Variants in MFHAS1 observed in about 807,000 individuals in gnomAD.
MFHAS1 encodes the protein multifunctional ROCO family signaling regulator 1.
MFHAS1 carries 50 observed loss-of-function variants against 70.4 expected under a neutral mutation model. The ratio of observed to expected loss-of-function variants is 0.71; its 90% CI spans 0.57 to 0.90. MFHAS1 has a LOEUF of 0.90. MFHAS1 is among the 40% of genes least tolerant of loss of function. The pLI is 0.00. For synonymous variants in MFHAS1, 952 were observed against 620.0 expected (o/e 1.54, Z -7.96); for missense variants, 1,795 against 1,347.6 (o/e 1.33, Z -5.20).
chr8:8,829,243 G>A (rs145947462), intron 1 of MFHAS1, among the ~76,000 whole-genome samples: 11 of 152,314 alleles, frequency 7.2e-5, no homozygotes, highest in South Asian at 6.2e-4. Flanking sequence ...TTCCAACTCA[G>A]TATGTGTACC....
chr8:8,875,722 C>G (rs61438893), intron 1 of MFHAS1, among the ~76,000 whole-genome samples: 5,127 of 152,202 alleles, frequency 0.034, 251 homozygotes, highest in African/African-American at 0.11. Context: ...TCCTGAGTAG[C>G]TGGGATTACA....
chr8:8,867,780 A>G (rs1808919290), intron 1 of MFHAS1, among the ~76,000 whole-genome samples: 1 of 151,956 alleles, frequency 6.6e-6, no homozygotes, highest in Admixed American at 6.6e-5. Flanking sequence ...GATTGTCTCG[A>G]TCTCCTGACC....
Position 8,891,295 on chromosome 8 carries a change from A to G in MFHAS1, c.1764T>C (p.Ser588=). The G allele has an allele frequency of 2.5e-6, 4 of 1,611,678 alleles. No individual in the cohort carries two copies. Among genetic ancestry groups the G allele is most frequent in the Non-Finnish European group, 3.4e-6 (4 of 1,180,016 alleles). The change falls in exon 1 of 3, where the codon TCT becomes TCC. Residue 588 remains serine, a synonymous_variant. Transcript: ENST00000276282. This position sits in a 1 kb window ranked among gnomAD's most constrained non-coding sequence, Gnocchi z 5.4. ...EALARDFELR[S]ASPHAAYYGV... ...CATAGTAGGCTGCGTGGGGGCTGGC[A>G]GAGCGCAGCTCGAAGTCCCGGGCCA...
At chr8:8,790,505 T>C (rs954914328) in intron 2 of MFHAS1, 3 of 371,962 alleles carry the variant, frequency 8.1e-6, no homozygotes, top group African/African-American at 6.6e-5. Flanking sequence ...GAAACACAAT[T>C]CCTCCTAGCT....
chr8:8,846,916 A>G (rs1808058390), intron 1 of MFHAS1, among the ~76,000 whole-genome samples: 1 of 152,176 alleles, frequency 6.6e-6, no homozygotes, highest in South Asian at 2.1e-4. Context: ...CCTTTGATAC[A>G]CTGCATTCAA....
Position 8,799,731 on chromosome 8 carries a change from G to A in MFHAS1, c.2999-2240C>T, listed in dbSNP as rs182306660. ...AGATCAGGCCACTGCACTCCAACCCGGGCGACAGAGTGAGACTCCGTCTCA... is the reference window on the plus strand; with the variant it reads ...AGATCAGGCCACTGCACTCCAACCCAGGCGACAGAGTGAGACTCCGTCTCA... On this transcript the variant is annotated intron_variant, in intron 1 of 2. Coordinates refer to ENST00000276282, the MANE Select transcript of MFHAS1 (RefSeq NM_004225.3). Among the ~76,000 whole-genome samples the A allele has an allele frequency of 2.0e-4, 31 of 152,304 alleles. 1 individual carries two copies. In the East Asian group the frequency reaches 3.5e-3, roughly 17 times the overall value.
Position 8,892,891 on chromosome 8 carries a change from G to C in MFHAS1, c.168C>G (p.Leu56=). The C allele has an allele frequency of 6.3e-7, 1 of 1,578,104 alleles. No homozygotes were observed. The change falls in exon 1 of 3, where the codon CTC becomes CTG. Residue 56 remains leucine (L), a synonymous_variant. Coordinates refer to ENST00000276282, the MANE Select transcript of MFHAS1 (RefSeq NM_004225.3). This position sits in a 1 kb window ranked among gnomAD's most constrained non-coding sequence, Gnocchi z 4.7. ...TGTCCCCGAGGTTGGCCGGCAGCAC[G>C]AGCTGGGGGGAGGCGGGGGACTCGA... is the stretch of plus-strand genomic sequence containing the variant. The part of the protein sequence containing the change: ...DALESPASPQ[L]VLPANLGDIE...
At chr8:8,834,919 G>C (rs1807542665) in intron 1 of MFHAS1, among the ~76,000 whole-genome samples, 1 of 152,148 alleles carries the variant, frequency 6.6e-6, no homozygotes, top group Non-Finnish European at 1.5e-5. Context: ...CACCATGTAA[G>C]CTACTTTTAA....
In MFHAS1 at chr8:8,890,611, G is replaced by A; in HGVS notation, c.2448C>T (p.Asp816=). 6.2e-7 allele frequency: 1 copy of A among 1,613,972 alleles called. No individual in the cohort carries two copies. Among genetic ancestry groups the A allele is most frequent in the Non-Finnish European group, 8.5e-7 (1 of 1,180,028 alleles). ...LLKPHVQAQQ[D]LQLLLELLEK... ...CCAGCAGCTCCAGCAACAGCTGCAA[G>A]TCCTGCTGGGCCTGGACATGAGGCT... Residue 816 remains aspartate (D), a synonymous_variant, in exon 1 of 3, where the codon GAC becomes GAT. Transcript: ENST00000276282.
In MFHAS1 at chr8:8,892,363, G is replaced by C. The variant is rs995577351; in HGVS notation, c.696C>G (p.Leu232=). The change falls in exon 1 of 3, where the codon CTC becomes CTG. Residue 232 remains leucine (L), a synonymous_variant. Transcript: ENST00000276282. The surrounding 1 kb of genome is among the most constrained non-coding windows in gnomAD (Gnocchi z 4.7). ...DISALRALKI[L]WLSGAELGTL... Reference sequence around the variant, plus strand: ...TGCCAAGCTCGGCCCCACTCAGCCAGAGGATCTTGAGGGCACGCAGGGCAC... The same window carrying C: ...TGCCAAGCTCGGCCCCACTCAGCCACAGGATCTTGAGGGCACGCAGGGCAC... 1 of 1,612,240 alleles carries C rather than the reference G, an allele frequency of 6.2e-7. No homozygotes were observed. The highest frequency in any genetic ancestry group is 2.2e-5 in the East Asian group (1 of 44,856).
chr8:8,824,348 G>C (rs1807074532), intron 1 of MFHAS1, among the ~76,000 whole-genome samples: 1 of 152,032 alleles, frequency 6.6e-6, no homozygotes, highest in African/African-American at 2.4e-5. Context: ...GGGTACCCCG[G>C]AGTCCTTACC....
At chr8:8,889,659 A>G (rs1374157817) in intron 1 of MFHAS1, among the ~76,000 whole-genome samples, 1 of 152,216 alleles carries the variant, frequency 6.6e-6, no homozygotes, top group African/African-American at 2.4e-5. Flanking sequence ...ACTCAAACTC[A>G]TCTACCCCTT....
intron 1 of MFHAS1, among the ~76,000 whole-genome samples, chr8:8,842,063 C>T (rs1170282378): frequency 6.6e-6 from 1 of 152,134 alleles, no homozygotes; most frequent in Non-Finnish European, 1.5e-5. Flanking sequence ...AACAAGGCTG[C>T]GCCTTTATAA....
chr8:8,820,878 C>T (rs1806927839), intron 1 of MFHAS1, among the ~76,000 whole-genome samples: 1 of 152,216 alleles, frequency 6.6e-6, no homozygotes, highest in Non-Finnish European at 1.5e-5. Flanking sequence ...TGGAGAGCCA[C>T]TGGATGCTTT....
At position 8,786,010 on chromosome 8, in the gene MFHAS1, C is replaced by G; in HGVS notation, c.*12G>C. The G allele has an allele frequency of 1.2e-6, 2 of 1,614,086 alleles. No homozygotes were observed. Among genetic ancestry groups the G allele is most frequent in the Non-Finnish European group, 1.7e-6 (2 of 1,179,948 alleles). ...CTCTCTTTTCTCCATGGAAATTCCACAGCCACAAACGTCACTGGTTTCTGT... is the reference window on the plus strand; with the variant it reads ...CTCTCTTTTCTCCATGGAAATTCCAGAGCCACAAACGTCACTGGTTTCTGT... On this transcript the variant is annotated 3_prime_UTR_variant, in exon 3 of 3. Coordinates refer to ENST00000276282, the MANE Select transcript of MFHAS1 (RefSeq NM_004225.3).
chr8:8,807,792 G>C (rs866321699), intron 1 of MFHAS1, among the ~76,000 whole-genome samples: 3 of 152,160 alleles, frequency 2.0e-5, no homozygotes, highest in African/African-American at 7.2e-5. Context: ...TTGCAAAGGA[G>C]AGCTAAGGCC....
chr8:8,820,941 G>T (rs1377307248), intron 1 of MFHAS1, among the ~76,000 whole-genome samples: 1 of 152,238 alleles, frequency 6.6e-6, no homozygotes, highest in African/African-American at 2.4e-5. Flanking sequence ...CAGTGAGAGA[G>T]AGAAGCTCTC....
At chr8:8,888,402 C>T (rs1314365102) in intron 1 of MFHAS1, among the ~76,000 whole-genome samples, 1 of 152,106 alleles carries the variant, frequency 6.6e-6, no homozygotes, top group African/African-American at 2.4e-5. Flanking sequence ...TCCGGGTCCC[C>T]TGGGGGTGGG....
chr8:8,789,562 G>T (rs945141260), intron 2 of MFHAS1, among the ~76,000 whole-genome samples: 1 of 152,094 alleles, frequency 6.6e-6, no homozygotes, highest in Non-Finnish European at 1.5e-5. Context: ...ATGACGCAAG[G>T]TACCGAGACA....
Sources: gnomAD v4.1 joint callset for allele counts (sites outside exome capture counted in the v4.1 genomes callset) on GRCh38, gnomAD v4.1.1 for gene constraint, Gnocchi (gnomAD v3.1) non-coding constraint, MANE v1.5 for transcripts, NCBI Gene and HGNC (gene_info 2026-07-23, HGNC 2026-07-21) for gene names.